Variants in TLE4 observed in about 807,000 individuals in gnomAD.
The protein encoded by TLE4 is TLE family member 4, transcriptional corepressor.
TLE4 carries 8 observed loss-of-function variants against 92.8 expected under a neutral mutation model. That is an observed-to-expected ratio of 0.09 (90% CI 0.05 to 0.16). The LOEUF (loss-of-function observed/expected upper bound fraction) is 0.16, where lower values mean the gene tolerates loss of function less well. TLE4 is among the 10% of genes least tolerant of loss of function. The pLI is 1.00. For missense variants in TLE4, 675 were observed against 997.6 expected (o/e 0.68, Z 4.36); for synonymous variants, 371 against 374.1 (o/e 0.99, Z 0.10).
At chr9:79,590,378 G>A (rs1213255794) in intron 4 of TLE4, among the ~76,000 whole-genome samples, 1 of 152,096 alleles carries the variant, frequency 6.6e-6, no homozygotes, top group African/African-American at 2.4e-5. Flanking sequence ...GTAAACTTTG[G>A]CACCCCTACT....
intron 18 of TLE4, 145 bp downstream of exon 18, chr9:79,722,746 C>A: frequency 1.8e-6 from 2 of 1,102,522 alleles, no homozygotes; most frequent in Non-Finnish European, 2.6e-6. Flanking sequence ...GCCTGCTTCC[C>A]CAACACCATG....
At chr9:79,677,644 T>C (rs2063526908) in intron 8 of TLE4, among the ~76,000 whole-genome samples, 1 of 151,618 alleles carries the variant, frequency 6.6e-6, no homozygotes, top group African/African-American at 2.4e-5. Context: ...TTCTGCGTTT[T>C]GAATTGTGTA....
chr9:79,713,403 T>C (rs899658118), intron 14 of TLE4, among the ~76,000 whole-genome samples: 2 of 152,252 alleles, frequency 1.3e-5, no homozygotes, highest in Admixed American at 1.3e-4. Context: ...CTGTCTCTTA[T>C]TCTCATCGCC....
chr9:79,612,673 G>A lies in TLE4; in HGVS notation c.270G>A (p.Arg90=), dbSNP rs1272061358. The A allele has an allele frequency of 6.2e-7, 1 of 1,613,108 alleles. No individual in the cohort carries two copies. The highest frequency in any genetic ancestry group is 1.1e-5 in the South Asian group (1 of 91,060). Residue 90 remains arginine, a synonymous_variant, in exon 5 of 20, where the codon AGG becomes AGA. Coordinates refer to ENST00000376552, the MANE Select transcript of TLE4 (RefSeq NM_007005.6). The stretch of plus-strand genomic sequence containing the variant: ...TTTTGCAGGCAGAGATTGTCAAGAG[G>A]CTGAATGCTATCTGTGCACAAGTCA... ...EMHKQAEIVK[R]LNAICAQVIP...
intron 3 of TLE4, among the ~76,000 whole-genome samples, chr9:79,575,614 A>T (rs1259209519): frequency 1.3e-5 from 2 of 152,150 alleles, no homozygotes; most frequent in Non-Finnish European, 2.9e-5. Flanking sequence ...TATTTTTATG[A>T]TTGTCCAAGA....
intron 1 of TLE4, among the ~76,000 whole-genome samples, 156 bp downstream of exon 1, chr9:79,572,991 A>C (rs986901480): frequency 1.3e-5 from 2 of 151,080 alleles, no homozygotes; most frequent in Non-Finnish European, 1.5e-5. Context: ...CATCACCCCC[A>C]CCCCCCGGCG....
intron 5 of TLE4, among the ~76,000 whole-genome samples, chr9:79,620,101 A>G (rs758371708): frequency 3.9e-5 from 6 of 152,160 alleles, no homozygotes; most frequent in African/African-American, 7.2e-5. Context: ...AGCAATGCCA[A>G]CCTTTATCTG....
chr9:79,682,720 G>A (rs772570075), intron 8 of TLE4, among the ~76,000 whole-genome samples: 3 of 152,054 alleles, frequency 2.0e-5, no homozygotes, highest in East Asian at 1.9e-4. Flanking sequence ...ACCTTTCCCC[G>A]GCATTTAAAA....
chr9:79,594,770 A>G (rs1199241784), intron 4 of TLE4, among the ~76,000 whole-genome samples: 1 of 152,068 alleles, frequency 6.6e-6, no homozygotes, highest in Non-Finnish European at 1.5e-5. Flanking sequence ...TTTGGGGTAA[A>G]TGGGCAAAAA....
chr9:79,583,650 T>C (rs903551680), intron 4 of TLE4, among the ~76,000 whole-genome samples: 8 of 152,132 alleles, frequency 5.3e-5, no homozygotes, highest in African/African-American at 1.7e-4. Flanking sequence ...TTATTATTAT[T>C]GTAATTTGGG....
At chr9:79,698,300 C>G (rs1176396831) in intron 8 of TLE4, among the ~76,000 whole-genome samples, 4 of 152,174 alleles carry the variant, frequency 2.6e-5, no homozygotes, top group Admixed American at 2.6e-4. Context: ...GTTGGTTCCT[C>G]TGGTTTGATA....
intron 6 of TLE4, among the ~76,000 whole-genome samples, chr9:79,636,389 G>T (rs548919144): frequency 5.9e-5 from 9 of 152,162 alleles, no homozygotes; most frequent in Non-Finnish European, 1.3e-4. Context: ...TGGCCTACAA[G>T]ATTCTTCATG....
intron 8 of TLE4, among the ~76,000 whole-genome samples, chr9:79,699,309 T>C (rs1198592738): frequency 6.6e-6 from 1 of 152,198 alleles, no homozygotes; most frequent in Non-Finnish European, 1.5e-5. Context: ...CTGTCTTCTG[T>C]GCCTCCACCC....
chr9:79,628,758 A>T (rs138870081), intron 6 of TLE4, among the ~76,000 whole-genome samples: 3 of 152,316 alleles, frequency 2.0e-5, no homozygotes, highest in Non-Finnish European at 4.4e-5. Flanking sequence ...GGGCAGGGGA[A>T]GGGACGGATA....
chr9:79,611,211 A>G (rs2048297293), intron 4 of TLE4, among the ~76,000 whole-genome samples: 4 of 152,154 alleles, frequency 2.6e-5, no homozygotes, highest in East Asian at 3.9e-4. Flanking sequence ...GCAGCTCTTC[A>G]TGGTGGCTTA....
At chr9:79,583,321 A>AAGT (rs2040196654) in intron 4 of TLE4, among the ~76,000 whole-genome samples, 1 of 152,098 alleles carries the variant, frequency 6.6e-6, no homozygotes, top group African/African-American at 2.4e-5. Context: ...AGCAGAAGAG[A>AAGT]AGTACTCTGG....
rs951297893 is a variant in TLE4, at chr9:79,706,732, G to T, written c.784-15G>T. 1.9e-6 allele frequency: 3 copies of T among 1,610,742 alleles called. No individual in the cohort carries two copies. Among genetic ancestry groups the T allele is most frequent in the East Asian group, 2.2e-5 (1 of 44,870 alleles). On this transcript the variant is annotated splice_polypyrimidine_tract_variant and intron_variant, in intron 10 of 19. Coordinates refer to ENST00000376552, the MANE Select transcript of TLE4 (RefSeq NM_007005.6). ...GTGCTGTGCTTGCATTACTGTCCAC[G>T]ATGTTCCTTTGTAGGATCCATCTTC...
intron 4 of TLE4, among the ~76,000 whole-genome samples, chr9:79,595,899 T>A (rs1265430434): frequency 4.0e-5 from 6 of 150,746 alleles, no homozygotes. Context: ...CAGGCTGGAG[T>A]GCAGTGGCAC....
At chr9:79,724,881 A>AAAAAAG (rs71364489) in intron 19 of TLE4, among the ~76,000 whole-genome samples, 156 bp from the exon 20 acceptor site, 5 of 147,942 alleles carry the variant, frequency 3.4e-5, no homozygotes, top group Non-Finnish European at 4.5e-5. Flanking sequence ...AAAAAAAAAA[A>AAAAAAG]GCAGCAGTAC....
Sources: allele counts gnomAD v4.1 joint callset (sites outside exome capture counted in the v4.1 genomes callset), GRCh38; gene constraint gnomAD v4.1.1; transcripts MANE v1.5; gene names NCBI Gene and HGNC (gene_info 2026-07-23, HGNC 2026-07-21).